Variants in SUPT3H observed in about 807,000 individuals in gnomAD.
The protein encoded by SUPT3H is SPT3 homolog, SAGA and STAGA complex component, also known as transcription initiation protein SPT3 homolog.
Under a neutral mutation model 44.3 loss-of-function variants are expected in SUPT3H, and 44 were observed. The ratio of observed to expected loss-of-function variants is 0.99; its 90% CI spans 0.78 to 1.28. The LOEUF is 1.28. Among genes scored for constraint, SUPT3H ranks in the 50% most tolerant of loss-of-function variants. The pLI, the probability that SUPT3H is intolerant of heterozygous loss-of-function variation, is 0.00. For synonymous variants in SUPT3H, 124 were observed against 125.6 expected (o/e 0.99, Z 0.09); for missense variants, 380 against 387.1 (o/e 0.98, Z 0.15).
chr6:45,154,964 G>A (rs910956416), intron 2 of SUPT3H, among the ~76,000 whole-genome samples: 5 of 152,050 alleles, frequency 3.3e-5, no homozygotes, highest in African/African-American at 7.2e-5. Context: ...CATGACTTCC[G>A]TGGAGAAGGT....
At chr6:45,037,388 T>C (rs1242355848) in intron 3 of SUPT3H, among the ~76,000 whole-genome samples, 3 of 151,484 alleles carry the variant, frequency 2.0e-5, no homozygotes, top group African/African-American at 4.8e-5. Flanking sequence ...GTGGCTCATG[T>C]CTGTAATCCC....
intron 2 of SUPT3H, among the ~76,000 whole-genome samples, chr6:45,358,195 C>T (rs1312507447): frequency 1.3e-5 from 2 of 152,110 alleles, no homozygotes; most frequent in African/African-American, 2.4e-5. Flanking sequence ...GTAACAGATG[C>T]AACCCAGAAA....
chr6:45,267,460 C>T (rs1376786104), intron 2 of SUPT3H, among the ~76,000 whole-genome samples: 1 of 152,168 alleles, frequency 6.6e-6, no homozygotes, highest in Non-Finnish European at 1.5e-5. Flanking sequence ...AAAATGATCC[C>T]AATGTTGTCT....
intron 2 of SUPT3H, among the ~76,000 whole-genome samples, chr6:45,146,244 C>G (rs1050841120): frequency 3.9e-5 from 6 of 152,062 alleles, no homozygotes; most frequent in African/African-American, 7.2e-5. Flanking sequence ...CGATTCGCAA[C>G]TGCAAAAATA....
intron 3 of SUPT3H, among the ~76,000 whole-genome samples, chr6:45,074,262 T>C (rs1794734831): frequency 6.6e-6 from 1 of 151,866 alleles, no homozygotes; most frequent in Non-Finnish European, 1.5e-5. Context: ...ATAAAGATAA[T>C]AGGTACCATA....
chr6:45,240,639 C>T (rs1007668270), intron 2 of SUPT3H, among the ~76,000 whole-genome samples: 8 of 152,194 alleles, frequency 5.3e-5, no homozygotes, highest in Non-Finnish European at 1.0e-4. Context: ...TTGATTGGTC[C>T]CCTAAGGGGA....
chr6:44,847,546 G>A (rs558876464), intron 10 of SUPT3H, among the ~76,000 whole-genome samples: 1 of 151,028 alleles, frequency 6.6e-6, no homozygotes, highest in East Asian at 1.9e-4. Flanking sequence ...GGAGTGCAGT[G>A]GCACAATCTT....
rs1562572907 is a variant in SUPT3H at position 45,158,290 on chromosome 6, A to ATTTTTTTTT, written c.102-52285_102-52284insAAAAAAAAA. The stretch of plus-strand genomic sequence containing the variant: ...TATAAATATACATATATATATATAT[A>ATTTTTTTTT]TATATATATTTTTTTTTTTTTTTTT... On this transcript the variant is annotated intron_variant, in intron 2 of 10. Transcript: ENST00000371459. 5.0e-5 allele frequency among the ~76,000 whole-genome samples: 2 copies of ATTTTTTTTT among 39,788 alleles called. 1 individual carries two copies. Among genetic ancestry groups the ATTTTTTTTT allele is most frequent in the Admixed American group, 4.1e-4 (2 of 4,848 alleles). 26.1% of individuals were successfully genotyped at this position (39,788 alleles called of 152,430 possible). A position where few individuals can be genotyped will look rare whatever the true frequency, so the allele number is the denominator to read the frequency against.
At chr6:45,081,234 T>C (rs1198942997) in intron 3 of SUPT3H, among the ~76,000 whole-genome samples, 2 of 152,032 alleles carry the variant, frequency 1.3e-5, no homozygotes, top group Admixed American at 6.6e-5. Flanking sequence ...TTTCAGCTCG[T>C]CCCATTTGAT....
chr6:45,137,973 A>C (rs1433090412), intron 2 of SUPT3H, among the ~76,000 whole-genome samples: 3 of 152,132 alleles, frequency 2.0e-5, no homozygotes, highest in African/African-American at 7.2e-5. Context: ...ATATATCTGA[A>C]GGACTTGTAC....
At chr6:45,283,973 C>T (rs1373199172) in intron 2 of SUPT3H, among the ~76,000 whole-genome samples, 3 of 152,122 alleles carry the variant, frequency 2.0e-5, no homozygotes, top group South Asian at 2.1e-4. Context: ...GAACAACCTG[C>T]TCCTGAATGA....
chr6:44,971,958 T>G (rs943144553), intron 6 of SUPT3H, among the ~76,000 whole-genome samples: 1 of 152,052 alleles, frequency 6.6e-6, no homozygotes, highest in Non-Finnish European at 1.5e-5. Context: ...GTATTTTTAG[T>G]AGAGACGGGG....
intron 2 of SUPT3H, among the ~76,000 whole-genome samples, chr6:45,347,722 T>C (rs566654354): frequency 6.6e-6 from 1 of 152,002 alleles, no homozygotes; most frequent in Non-Finnish European, 1.5e-5. Flanking sequence ...ATCCAAATAC[T>C]TTATTTTTCT....
intron 2 of SUPT3H, among the ~76,000 whole-genome samples, chr6:45,292,711 A>G (rs1780502216): frequency 6.7e-6 from 1 of 148,606 alleles, no homozygotes; most frequent in Admixed American, 6.8e-5. Flanking sequence ...AAGAAACTTT[A>G]AAGCAACAGC....
intron 2 of SUPT3H, among the ~76,000 whole-genome samples, chr6:45,174,783 TAGACTA>T (rs1451248883): frequency 6.6e-6 from 1 of 152,130 alleles, no homozygotes; most frequent in Non-Finnish European, 1.5e-5. Context: ...GAAATTCTGT[TAGACTA>T]AATTAGGTAT....
intron 2 of SUPT3H, among the ~76,000 whole-genome samples, chr6:45,286,025 G>A (rs1434648408): frequency 7.2e-6 from 1 of 139,430 alleles, no homozygotes; most frequent in Non-Finnish European, 1.5e-5. Flanking sequence ...AATGGTGCTG[G>A]GAAAACTGGC....
At chr6:45,338,877 T>C (rs979153263) in intron 2 of SUPT3H, among the ~76,000 whole-genome samples, 1 of 152,112 alleles carries the variant, frequency 6.6e-6, no homozygotes, top group African/African-American at 2.4e-5. Context: ...GACAGCCTCC[T>C]TAAATTTTGT....
chr6:45,157,998 C>A (rs1379247902), intron 2 of SUPT3H, among the ~76,000 whole-genome samples: 1 of 148,520 alleles, frequency 6.7e-6, no homozygotes, highest in Non-Finnish European at 1.5e-5. Context: ...AATTATAACT[C>A]CTCAACATGA....
intron 10 of SUPT3H, among the ~76,000 whole-genome samples, chr6:44,878,790 T>TG (rs1265214083): frequency 6.6e-6 from 1 of 151,984 alleles, no homozygotes; most frequent in African/African-American, 2.4e-5. Flanking sequence ...CGAAGCAGGG[T>TG]GGGGCGTTCC....
Sources: allele counts gnomAD v4.1 joint callset (sites outside exome capture counted in the v4.1 genomes callset), GRCh38; gene constraint gnomAD v4.1.1; transcripts MANE v1.5; gene names NCBI Gene and HGNC (gene_info 2026-07-23, HGNC 2026-07-21).